TEX11: variants seen among roughly 807,000 people sequenced by gnomAD.
The protein encoded by TEX11 is testis expressed 11, also known as testis-expressed protein 11.
Under a neutral mutation model 84.4 loss-of-function variants are expected in TEX11, and 7 were observed. The ratio of observed to expected loss-of-function variants is 0.08; its 90% CI spans 0.05 to 0.16. The LOEUF is 0.16. Among genes scored for constraint, TEX11 ranks in the 10% least tolerant of loss-of-function variants. TEX11 has a pLI of 1.00. For synonymous variants in TEX11, 264 were observed against 222.8 expected (o/e 1.18, Z -1.64); for missense variants, 551 against 660.5 (o/e 0.83, Z 1.82).
intron 7 of TEX11, among the ~76,000 whole-genome samples, chrX:70,851,580 T>C (rs2091508655): frequency 9.1e-6 from 1 of 109,705 alleles, no homozygotes; most frequent in Admixed American, 9.9e-5. Flanking sequence ...TTCTGGCAGT[T>C]TCTCAAAAGG....
At chrX:70,846,837 T>TTTAGGA (rs2091481771) in intron 7 of TEX11, among the ~76,000 whole-genome samples, 1 of 111,399 alleles carries the variant, frequency 9.0e-6, no homozygotes, top group Non-Finnish European at 1.9e-5. Context: ...GGCATGAGAA[T>TTTAGGA]AGCTTGAACC....
chrX:70,873,691 C>T (rs1274525356), intron 3 of TEX11, among the ~76,000 whole-genome samples: 1 of 111,919 alleles, frequency 8.9e-6, no homozygotes, highest in Non-Finnish European at 1.9e-5. Context: ...AAGTTGTATA[C>T]AATTTGGCAA....
intron 25 of TEX11, among the ~76,000 whole-genome samples, chrX:70,564,608 T>C (rs1336540103): frequency 1.1e-5 from 1 of 94,564 alleles, no homozygotes; most frequent in African/African-American, 4.0e-5. Flanking sequence ...CCTGTGTCCA[T>C]GTATTCTCAT....
At chrX:70,646,347 G>A (rs760940662) in intron 17 of TEX11, among the ~76,000 whole-genome samples, 7 of 111,772 alleles carry the variant, frequency 6.3e-5, no homozygotes, top group Non-Finnish European at 1.3e-4. Flanking sequence ...AAAGTTCCAC[G>A]ACATTGCTAA....
chrX:70,623,830 G>T lies in TEX11; in HGVS notation c.1751+120C>A, dbSNP rs1282324111. On this transcript the variant is annotated intron_variant, in intron 20 of 29. Transcript: ENST00000374333. ...CCAGGATATGAACCCAGGAAGACTG[G>T]CCCCAAAACCTGTATTGATCTTACC... The T allele has an allele frequency of 1.7e-5, 9 of 525,341 alleles. No homozygotes were observed. The East Asian group carries it at 3.4e-4, about 20-fold the overall frequency. 43.3% of individuals were successfully genotyped at this position (525,341 alleles called of 1,213,427 possible). A position where few individuals can be genotyped will look rare whatever the true frequency, so the allele number is the denominator to read the frequency against.
chrX:70,708,789 T>A (rs1176030474), intron 13 of TEX11, among the ~76,000 whole-genome samples: 1 of 110,030 alleles, frequency 9.1e-6, no homozygotes, highest in Non-Finnish European at 1.9e-5. Flanking sequence ...GACAACGGAC[T>A]AGTAGAGGGG....
intron 20 of TEX11, among the ~76,000 whole-genome samples, chrX:70,620,520 G>A (rs1427582102): frequency 9.0e-6 from 1 of 111,544 alleles, no homozygotes; most frequent in Non-Finnish European, 1.9e-5. Context: ...ATGCAAAAGG[G>A]TACAGCCACT....
At chrX:70,786,720 T>C (rs1309336298) in intron 9 of TEX11, among the ~76,000 whole-genome samples, 1 of 112,104 alleles carries the variant, frequency 8.9e-6, no homozygotes, top group Non-Finnish European at 1.9e-5. Context: ...TCATTCACTA[T>C]GATCAGGTGG....
At chrX:70,589,270 A>C (rs976019983) in intron 25 of TEX11, among the ~76,000 whole-genome samples, 4 of 59,765 alleles carry the variant, frequency 6.7e-5, no homozygotes, top group Non-Finnish European at 1.3e-4. Context: ...AAATCTCTAT[A>C]ATGTATAGAC....
At chrX:70,895,821 G>A (rs946242104) in intron 2 of TEX11, among the ~76,000 whole-genome samples, 22 of 111,508 alleles carry the variant, frequency 2.0e-4, no homozygotes, top group African/African-American at 4.2e-4. Context: ...CTAGCCATAC[G>A]CAGAAAACAG....
intron 13 of TEX11, among the ~76,000 whole-genome samples, chrX:70,690,162 G>A (rs2147668041): frequency 9.0e-6 from 1 of 111,542 alleles, no homozygotes; most frequent in Admixed American, 9.6e-5. Context: ...ACAACTAAAT[G>A]TAATGTGATA....
intron 29 of TEX11, 106 bp from the exon 30 acceptor site, chrX:70,529,293 A>T (rs1360017357): frequency 1.7e-5 from 9 of 528,616 alleles, no homozygotes; most frequent in Non-Finnish European, 2.2e-5. Flanking sequence ...ACCTTCGGAG[A>T]TCTGAAGCAT....
chrX:70,685,302 G>A (rs754069000), intron 13 of TEX11, among the ~76,000 whole-genome samples: 1 of 111,916 alleles, frequency 8.9e-6, no homozygotes, highest in South Asian at 3.7e-4. Flanking sequence ...GGAGACACAG[G>A]TTGCAGTGAG....
chrX:70,671,910 T>TATATATATATATATATATATATAC (rs57166359), intron 15 of TEX11, among the ~76,000 whole-genome samples: 2 of 67,983 alleles, frequency 2.9e-5, no homozygotes, highest in Non-Finnish European at 5.7e-5. Flanking sequence ...TATATATATA[T>TATATATATATATATATATATATAC]ACACACACAC....
At chrX:70,732,598 C>A (rs900610922) in intron 11 of TEX11, among the ~76,000 whole-genome samples, 1 of 111,330 alleles carries the variant, frequency 9.0e-6, no homozygotes, top group Non-Finnish European at 1.9e-5. Flanking sequence ...TTACAAAAGA[C>A]ATGAAGGACC....
intron 7 of TEX11, among the ~76,000 whole-genome samples, chrX:70,839,022 C>T (rs1278719537): frequency 8.9e-6 from 1 of 112,736 alleles, no homozygotes; most frequent in Admixed American, 9.3e-5. Context: ...CCCACCACAG[C>T]TCAAGGAGGC....
chrX:70,721,555 G>A (rs1176387963), intron 13 of TEX11, among the ~76,000 whole-genome samples: 1 of 112,010 alleles, frequency 8.9e-6, no homozygotes, highest in East Asian at 2.8e-4. Flanking sequence ...TTAATGGATT[G>A]CTGTTAACCT....
chrX:70,699,338 C>A (rs1178297818), intron 13 of TEX11, among the ~76,000 whole-genome samples: 1 of 111,509 alleles, frequency 9.0e-6, no homozygotes, highest in East Asian at 2.8e-4. Flanking sequence ...CCCAATCAAC[C>A]CACAGCACCA....
intron 13 of TEX11, among the ~76,000 whole-genome samples, chrX:70,722,293 A>C (rs2090565453): frequency 8.9e-6 from 1 of 111,882 alleles, no homozygotes; most frequent in South Asian, 3.7e-4. Context: ...ATTATTTTTG[A>C]GAGAGTCCTG....
Sources: allele counts gnomAD v4.1 joint callset (sites outside exome capture counted in the v4.1 genomes callset), GRCh38; gene constraint gnomAD v4.1.1; transcripts MANE v1.5; gene names NCBI Gene and HGNC (gene_info 2026-07-23, HGNC 2026-07-21).